Variants in GRAMD1C observed in about 807,000 individuals in gnomAD.
GRAMD1C encodes the protein protein Aster-C.
In GRAMD1C, 89 loss-of-function variants were observed where a neutral mutation model predicts 97.8. That is an observed-to-expected ratio of 0.91 (90% CI 0.77 to 1.09). GRAMD1C has a LOEUF of 1.09. Among genes scored for constraint, GRAMD1C ranks in the 50% least tolerant of loss-of-function variants. The probability of loss-of-function intolerance (pLI) is 0.00; values close to 1 mark genes in which losing one functional copy is unlikely to be tolerated. For synonymous variants in GRAMD1C, 256 were observed against 267.0 expected (o/e 0.96, Z 0.40); for missense variants, 740 against 766.4 (o/e 0.97, Z 0.41).
chr3:113,936,664 A>G (rs925832263), intron 14 of GRAMD1C: 6 of 374,714 alleles, frequency 1.6e-5, no homozygotes, highest in Non-Finnish European at 2.8e-5. Flanking sequence ...TATTTGGCCC[A>G]TGTGTCATTT....
At chr3:113,910,429 C>A (rs1288957311) in intron 9 of GRAMD1C, among the ~76,000 whole-genome samples, 1 of 152,162 alleles carries the variant, frequency 6.6e-6, no homozygotes, top group Non-Finnish European at 1.5e-5. Context: ...AGAGGGCCAG[C>A]AGAGATTAAG....
At chr3:113,879,465 G>A (rs1052603552) in intron 5 of GRAMD1C, among the ~76,000 whole-genome samples, 3 of 151,972 alleles carry the variant, frequency 2.0e-5, no homozygotes, top group Non-Finnish European at 4.4e-5. Context: ...TCATTGTAGG[G>A]CATGCTCATT....
At chr3:113,904,046 T>G in intron 7 of GRAMD1C, 94 bp from the exon 8 acceptor site, 1 of 832,450 alleles carries the variant, frequency 1.2e-6, no homozygotes, top group South Asian at 1.9e-5. Flanking sequence ...ATTATCAAAC[T>G]GTTTTATCAT....
At chr3:113,868,450 T>C (rs1249255019) in intron 2 of GRAMD1C, among the ~76,000 whole-genome samples, 1 of 152,204 alleles carries the variant, frequency 6.6e-6, no homozygotes, top group African/African-American at 2.4e-5. Flanking sequence ...GTCCCATGGG[T>C]TGTCATTGCT....
At chr3:113,859,119 T>G (rs1007821577) in intron 2 of GRAMD1C, among the ~76,000 whole-genome samples, 2 of 152,182 alleles carry the variant, frequency 1.3e-5, no homozygotes, top group Non-Finnish European at 2.9e-5. Flanking sequence ...GTTTTGGGTT[T>G]ATTTTATATT....
intron 5 of GRAMD1C, among the ~76,000 whole-genome samples, chr3:113,880,925 C>T (rs1315968089): frequency 2.6e-5 from 4 of 152,126 alleles, no homozygotes; most frequent in Non-Finnish European, 5.9e-5. Context: ...ACTATGTTAA[C>T]TCAATGATTT....
chr3:113,920,031 A>C, intron 10 of GRAMD1C: 5 of 828,808 alleles, frequency 6.0e-6, no homozygotes, highest in Non-Finnish European at 9.9e-6. Context: ...TCAGTAAGGT[A>C]CTTTTTGAAT....
Position 113,900,039 on chromosome 3 carries a change from T to C in GRAMD1C, c.541-992T>C, listed in dbSNP as rs546631402. On this transcript the variant is annotated intron_variant, in intron 6 of 17. Coordinates refer to ENST00000358160, the MANE Select transcript of GRAMD1C (RefSeq NM_017577.5). ...CTGAACGGTGATTCAGTGGTCATGG[T>C]AGACTGGTTAGATTGCAGAACTAAA... 1.3e-5 allele frequency among the ~76,000 whole-genome samples: 2 copies of C among 152,206 alleles called. 1 individual carries two copies. The highest frequency in any genetic ancestry group is 4.1e-4 in the South Asian group (2 of 4,826).
intron 1 of GRAMD1C, among the ~76,000 whole-genome samples, chr3:113,843,037 C>T: frequency 6.8e-6 from 1 of 146,778 alleles, no homozygotes; most frequent in African/African-American, 2.5e-5. Flanking sequence ...GGATCCTGGT[C>T]CACCATAAGC....
At chr3:113,900,661 C>T (rs969581879) in intron 6 of GRAMD1C, among the ~76,000 whole-genome samples, 2 of 151,216 alleles carry the variant, frequency 1.3e-5, no homozygotes, top group African/African-American at 2.4e-5. Flanking sequence ...CTCTTGACCT[C>T]GTGATCTGCC....
At chr3:113,833,054 C>G (rs1296579064) in intron 1 of GRAMD1C, among the ~76,000 whole-genome samples, 1 of 151,844 alleles carries the variant, frequency 6.6e-6, no homozygotes, top group African/African-American at 2.4e-5. Flanking sequence ...TATCCCTTGC[C>G]CCAAGTGATA....
intron 6 of GRAMD1C, among the ~76,000 whole-genome samples, chr3:113,884,159 C>A (rs142354637): frequency 1.2e-4 from 18 of 152,248 alleles, no homozygotes; most frequent in Admixed American, 3.9e-4. Context: ...ATATATATAT[C>A]CTTTTCAAGT....
chr3:113,924,441 G>A lies in GRAMD1C; in HGVS notation c.1091-6273G>A, dbSNP rs1453563197. Among the ~76,000 whole-genome samples, 12 of 152,120 alleles carry A rather than the reference G, an allele frequency of 7.9e-5. No homozygotes were observed. The East Asian group carries it at 2.3e-3, about 29-fold the overall frequency. ...ATAAACTTGTAACACTGCTTTAGCT[G>A]TGTCCCAGAGATTCTGGTATTTTCT... On this transcript the variant is annotated intron_variant, in intron 10 of 17. Transcript: ENST00000358160.
At chr3:113,853,280 G>A (rs555965468) in intron 2 of GRAMD1C, among the ~76,000 whole-genome samples, 8 of 152,278 alleles carry the variant, frequency 5.3e-5, no homozygotes, top group South Asian at 4.1e-4. Flanking sequence ...AGATATATAC[G>A]TATTAGGAAA....
intron 6 of GRAMD1C, among the ~76,000 whole-genome samples, chr3:113,896,722 C>A (rs544108257): frequency 6.6e-6 from 1 of 152,244 alleles, no homozygotes; most frequent in African/African-American, 2.4e-5. Context: ...TCTCATTCTG[C>A]CATTGTATAA....
At chr3:113,833,191 G>A (rs920252668) in intron 1 of GRAMD1C, among the ~76,000 whole-genome samples, 2 of 147,186 alleles carry the variant, frequency 1.4e-5, no homozygotes, top group African/African-American at 5.0e-5. Flanking sequence ...AGGCTGGAGT[G>A]CAATAGTGCT....
chr3:113,903,375 C>T (rs1303391103), intron 7 of GRAMD1C, among the ~76,000 whole-genome samples: 2 of 152,114 alleles, frequency 1.3e-5, no homozygotes, highest in Non-Finnish European at 2.9e-5. Context: ...TGTTTCAAAC[C>T]TTTATTTCCT....
At chr3:113,905,226 A>G (rs73856208) in intron 8 of GRAMD1C, among the ~76,000 whole-genome samples, 2,197 of 152,304 alleles carry the variant, frequency 0.014, 56 homozygotes, top group African/African-American at 0.05. Flanking sequence ...AGCCCCTTCA[A>G]GTTGGTTCCT....
At chr3:113,845,194 A>G (rs1267958488) in intron 2 of GRAMD1C, among the ~76,000 whole-genome samples, 1 of 152,176 alleles carries the variant, frequency 6.6e-6, no homozygotes, top group African/African-American at 2.4e-5. Flanking sequence ...TTGATTAGGC[A>G]CATTAAGATC....
Sources: gnomAD v4.1 joint callset for allele counts (sites outside exome capture counted in the v4.1 genomes callset) on GRCh38, gnomAD v4.1.1 for gene constraint, MANE v1.5 for transcripts, NCBI Gene and HGNC (gene_info 2026-07-23, HGNC 2026-07-21) for gene names.